DIXDC1: variants seen among roughly 807,000 people sequenced by gnomAD.
DIXDC1 encodes the protein DIX domain containing 1.
Under a neutral mutation model 103.1 loss-of-function variants are expected in DIXDC1, and 64 were observed. The ratio of observed to expected loss-of-function variants is 0.62; its 90% CI spans 0.51 to 0.76. DIXDC1 has a LOEUF of 0.76. DIXDC1 is among the 30% of genes least tolerant of loss of function. The pLI is 0.00. For synonymous variants in DIXDC1, 266 were observed against 298.5 expected (o/e 0.89, Z 1.12); for missense variants, 759 against 834.2 (o/e 0.91, Z 1.11).
chr11:111,994,555 A>ATATATG (rs1166054893), intron 14 of DIXDC1, among the ~76,000 whole-genome samples: 1 of 151,226 alleles, frequency 6.6e-6, no homozygotes, highest in Non-Finnish European at 1.5e-5. Context: ...ATATGTATGT[A>ATATATG]TATATGTATA....
At chr11:111,945,150 T>C (rs1966550309) in intron 1 of DIXDC1, among the ~76,000 whole-genome samples, 1 of 152,236 alleles carries the variant, frequency 6.6e-6, no homozygotes, top group African/African-American at 2.4e-5. Context: ...TGGCAGGATC[T>C]CTTCCTCTGT....
At chr11:112,004,672 C>T (rs1383354639) in intron 17 of DIXDC1, among the ~76,000 whole-genome samples, 1 of 152,182 alleles carries the variant, frequency 6.6e-6, no homozygotes, top group Non-Finnish European at 1.5e-5. Context: ...CATACAGAGA[C>T]TGACTGAGGC....
chr11:111,931,147 ACT>A (rs1966002355), intron 2 of DIXDC1, among the ~76,000 whole-genome samples: 1 of 151,448 alleles, frequency 6.6e-6, no homozygotes, highest in South Asian at 2.1e-4. Context: ...AGCCATCGTG[ACT>A]GGCCGAGACC....
intron 17 of DIXDC1, among the ~76,000 whole-genome samples, chr11:112,010,405 T>G (rs113105885): frequency 0.014 from 2,175 of 152,292 alleles, 55 homozygotes; most frequent in African/African-American, 0.05. Context: ...TTCAATGCCA[T>G]TCCCATCAAG....
chr11:111,986,840 G>A (rs139933383), intron 8 of DIXDC1, 31 bp from the exon 9 acceptor site: 201 of 1,552,350 alleles, frequency 1.3e-4, no homozygotes, highest in African/African-American at 9.7e-4. Flanking sequence ...CAGCATAGGT[G>A]CTTAGCCATC....
chr11:111,959,113 T>G (rs1555170822), intron 1 of DIXDC1, among the ~76,000 whole-genome samples: 1 of 152,222 alleles, frequency 6.6e-6, no homozygotes, highest in Non-Finnish European at 1.5e-5. Flanking sequence ...TCTTCCTGGA[T>G]GCAGGGCAGG....
At chr11:111,972,581 C>T (rs1859970984) in intron 3 of DIXDC1, among the ~76,000 whole-genome samples, 1 of 152,182 alleles carries the variant, frequency 6.6e-6, no homozygotes, top group African/African-American at 2.4e-5. Context: ...TTCCTGTGGC[C>T]TCCCATGCCC....
chr11:111,930,018 T>C, intron 2 of DIXDC1: 1 of 1,036,988 alleles, frequency 9.6e-7, no homozygotes, highest in South Asian at 1.7e-5. Context: ...TGGAACAGAA[T>C]TTTAATATAT....
In DIXDC1 at chr11:111,998,028, TCTGTTA is replaced by T. The variant is rs1555175575; in HGVS notation, c.1756+1885_1756+1890del. Among the ~76,000 whole-genome samples the T allele has an allele frequency of 6.6e-6, 1 of 152,246 alleles. No homozygotes were observed. Among genetic ancestry groups the T allele is most frequent in the South Asian group, 2.1e-4 (1 of 4,832 alleles). On this transcript the variant is annotated intron_variant, in intron 17 of 19. Coordinates refer to ENST00000440460, the MANE Select transcript of DIXDC1 (RefSeq NM_001037954.4). The surrounding 1 kb of genome is among the most constrained non-coding windows in gnomAD (Gnocchi z 4.1). ...CTACTCAGCCCACTACAGTCTTTTATCTGTTACTTTGCTTAGTGTTCTTCTTGTTGG... is the reference window on the plus strand; with the variant it reads ...CTACTCAGCCCACTACAGTCTTTTATCTTTGCTTAGTGTTCTTCTTGTTGG...
chr11:111,982,250 CTG>C, intron 6 of DIXDC1, 87 bp from the exon 7 acceptor site: 1 of 1,450,376 alleles, frequency 6.9e-7, no homozygotes. Flanking sequence ...CGCAGGTGAC[CTG>C]AACCTGTGAA....
chr11:111,987,091 A>T (rs1246091664), intron 9 of DIXDC1, among the ~76,000 whole-genome samples, 167 bp downstream of exon 9: 2 of 152,144 alleles, frequency 1.3e-5, no homozygotes, highest in African/African-American at 2.4e-5. Context: ...TCTACCAAAA[A>T]TACGAAAAAT....
chr11:111,993,070 C>A, intron 12 of DIXDC1, 66 bp downstream of exon 12: 1 of 1,489,322 alleles, frequency 6.7e-7, no homozygotes, highest in Non-Finnish European at 9.1e-7. Flanking sequence ...GTTATTGTTG[C>A]TCAAAAAGCA....
At chr11:111,985,725 A>G (rs1555173766) in intron 8 of DIXDC1, among the ~76,000 whole-genome samples, 1 of 151,712 alleles carries the variant, frequency 6.6e-6, no homozygotes, top group Non-Finnish European at 1.5e-5. Flanking sequence ...TTCTTCACTC[A>G]CTTCCCTCTT....
intron 9 of DIXDC1, 115 bp from the exon 10 acceptor site, chr11:111,988,890 G>A: frequency 1.2e-6 from 1 of 850,954 alleles, no homozygotes; most frequent in Non-Finnish European, 1.9e-6. Context: ...TTAGTAGAGG[G>A]TTAATTTTTC....
intron 1 of DIXDC1, among the ~76,000 whole-genome samples, chr11:111,943,340 C>T (rs1231696674): frequency 6.6e-6 from 1 of 151,964 alleles, no homozygotes; most frequent in African/African-American, 2.4e-5. Flanking sequence ...GACAGGGTTT[C>T]ACCATGTTGG....
chr11:111,956,231 A>T (rs1859361173), intron 1 of DIXDC1, among the ~76,000 whole-genome samples: 1 of 152,306 alleles, frequency 6.6e-6, no homozygotes, highest in South Asian at 2.1e-4. Flanking sequence ...TGGAGGGGGA[A>T]TTTCAGAGTT....
chr11:111,930,507 C>T (rs1965975587), intron 2 of DIXDC1, among the ~76,000 whole-genome samples: 1 of 152,168 alleles, frequency 6.6e-6, no homozygotes, highest in African/African-American at 2.4e-5. Flanking sequence ...AACATGCGAT[C>T]ATATGCTGCA....
chr11:111,984,497 C>T (rs1335763503), intron 7 of DIXDC1, among the ~76,000 whole-genome samples: 1 of 152,078 alleles, frequency 6.6e-6, no homozygotes, highest in Non-Finnish European at 1.5e-5. Flanking sequence ...AAAATCGGGC[C>T]ACCGCACTCC....
At chr11:112,008,969 A>C (rs781897451) in intron 17 of DIXDC1, among the ~76,000 whole-genome samples, 22 of 152,194 alleles carry the variant, frequency 1.4e-4, no homozygotes, top group Non-Finnish European at 2.5e-4. Context: ...AGCAGAACTG[A>C]AGGAGATAGA....
Sources: gnomAD v4.1 joint callset for allele counts (sites outside exome capture counted in the v4.1 genomes callset) on GRCh38, gnomAD v4.1.1 for gene constraint, Gnocchi (gnomAD v3.1) non-coding constraint, MANE v1.5 for transcripts, NCBI Gene and HGNC (gene_info 2026-07-23, HGNC 2026-07-21) for gene names.